The following GRID1 variants were observed in gnomAD, a reference collection of about 807,000 sequenced individuals.
GRID1 encodes the protein glutamate receptor ionotropic, delta-1.
A neutral mutation model predicts 98.0 loss-of-function variants in GRID1; 28 were observed. That is an observed-to-expected ratio of 0.29 (90% CI 0.21 to 0.39). The LOEUF is 0.39. Among genes scored for constraint, GRID1 ranks in the 10% least tolerant of loss-of-function variants. The pLI, the probability that GRID1 is intolerant of heterozygous loss-of-function variation, is 1.00. For synonymous variants in GRID1, 553 were observed against 538.5 expected (o/e 1.03, Z -0.37); for missense variants, 1,111 against 1,340.5 (o/e 0.83, Z 2.67).
intron 4 of GRID1, among the ~76,000 whole-genome samples, chr10:86,129,968 C>T (rs1844809374): frequency 6.6e-6 from 1 of 152,250 alleles, no homozygotes; most frequent in Non-Finnish European, 1.5e-5. Context: ...TGAGCACTCA[C>T]ACTTGGTCTC....
intron 8 of GRID1, among the ~76,000 whole-genome samples, chr10:85,798,540 T>A (rs1842545860): frequency 6.6e-6 from 1 of 152,204 alleles, no homozygotes; most frequent in African/African-American, 2.4e-5. Context: ...TTGTTATGTT[T>A]TTTTTGTAAT....
intron 4 of GRID1, among the ~76,000 whole-genome samples, chr10:86,068,789 C>G (rs562076423): frequency 3.9e-5 from 6 of 152,210 alleles, no homozygotes; most frequent in African/African-American, 1.4e-4. Flanking sequence ...CCAATCAAAA[C>G]AAAACCAACA....
chr10:85,712,992 A>G (rs564771545), intron 12 of GRID1, among the ~76,000 whole-genome samples: 70 of 151,788 alleles, frequency 4.6e-4, no homozygotes, highest in African/African-American at 1.6e-3. Flanking sequence ...TTCTAACTTT[A>G]TATCTCAAGG....
chr10:85,863,340 T>G (rs1843184226), intron 6 of GRID1, among the ~76,000 whole-genome samples: 1 of 152,184 alleles, frequency 6.6e-6, no homozygotes, highest in Admixed American at 6.5e-5. Flanking sequence ...ATCCCATTTA[T>G]GAGGGCTCCC....
chr10:86,352,909 C>A (rs1486513055), intron 2 of GRID1, among the ~76,000 whole-genome samples: 1 of 152,118 alleles, frequency 6.6e-6, no homozygotes, highest in Non-Finnish European at 1.5e-5. Flanking sequence ...ACAGGGGACA[C>A]TGACAATGAA....
intron 12 of GRID1, among the ~76,000 whole-genome samples, chr10:85,682,684 G>A (rs1326771879): frequency 6.6e-6 from 1 of 152,212 alleles, no homozygotes; most frequent in Non-Finnish European, 1.5e-5. Flanking sequence ...CTAGGGTGTG[G>A]AGAGGAGATG....
intron 2 of GRID1, among the ~76,000 whole-genome samples, chr10:86,253,751 G>C (rs1343282168): frequency 6.6e-6 from 1 of 152,160 alleles, no homozygotes; most frequent in African/African-American, 2.4e-5. Context: ...GCCAATGTCC[G>C]TGTTAGCCAG....
At chr10:86,064,975 G>C (rs1422371715) in intron 4 of GRID1, among the ~76,000 whole-genome samples, 5 of 152,194 alleles carry the variant, frequency 3.3e-5, no homozygotes, top group African/African-American at 7.2e-5. Flanking sequence ...TTTCCAGACT[G>C]AGCAGAAAAT....
chr10:85,726,247 T>A (rs80001121), intron 10 of GRID1, among the ~76,000 whole-genome samples: 15 of 151,424 alleles, frequency 9.9e-5, no homozygotes, highest in Non-Finnish European at 2.9e-5. Flanking sequence ...TTTTTTTTTT[T>A]AGTTGGGAAG....
intron 2 of GRID1, among the ~76,000 whole-genome samples, chr10:86,300,401 G>A (rs1374607062): frequency 2.0e-5 from 3 of 149,300 alleles, no homozygotes; most frequent in Non-Finnish European, 4.5e-5. Flanking sequence ...CAGAAGTTTG[G>A]GACTGCCATC....
chr10:86,255,956 C>T (rs1285270417), intron 2 of GRID1, among the ~76,000 whole-genome samples: 4 of 152,174 alleles, frequency 2.6e-5, no homozygotes, highest in Admixed American at 1.3e-4. Context: ...GCACAACAGC[C>T]GGTAACCAGG....
intron 5 of GRID1, among the ~76,000 whole-genome samples, chr10:85,876,790 C>G (rs1302971477): frequency 3.9e-5 from 6 of 152,124 alleles, no homozygotes; most frequent in Non-Finnish European, 5.9e-5. Flanking sequence ...GTGTGCCAGC[C>G]GAAGGAGGGC....
chr10:86,061,055 A>G (rs1267241487), intron 4 of GRID1, among the ~76,000 whole-genome samples: 3 of 152,032 alleles, frequency 2.0e-5, no homozygotes, highest in South Asian at 4.1e-4. Context: ...CTTGGCCCCC[A>G]TGGCACTGGC....
intron 4 of GRID1, among the ~76,000 whole-genome samples, chr10:85,968,538 C>T (rs898567894): frequency 1.7e-4 from 25 of 150,522 alleles, no homozygotes; most frequent in African/African-American, 5.6e-4. Flanking sequence ...TATGCAATTT[C>T]GACAGCAACA....
chr10:85,972,918 CTATAATAGA>C (rs567005018), intron 4 of GRID1, among the ~76,000 whole-genome samples: 21 of 152,280 alleles, frequency 1.4e-4, no homozygotes, highest in African/African-American at 4.8e-4. Flanking sequence ...TTTTAATCAT[CTATAATAGA>C]TATAATAGAT....
intron 4 of GRID1, among the ~76,000 whole-genome samples, chr10:85,921,763 G>A (rs901695568): frequency 3.3e-5 from 5 of 152,170 alleles, no homozygotes; most frequent in South Asian, 2.1e-4. Context: ...GAGGCTGAGC[G>A]CATTGGAGGA....
At chr10:85,889,649 G>A (rs1841166480) in intron 5 of GRID1, among the ~76,000 whole-genome samples, 2 of 152,212 alleles carry the variant, frequency 1.3e-5, no homozygotes, top group African/African-American at 2.4e-5. Flanking sequence ...AAACATGAGA[G>A]TTCAGGTACT....
chr10:86,071,701 G>T (rs1040184799), intron 4 of GRID1, among the ~76,000 whole-genome samples: 1 of 152,230 alleles, frequency 6.6e-6, no homozygotes, highest in African/African-American at 2.4e-5. Flanking sequence ...CATGCTGAGG[G>T]AGGTGGTGGG....
intron 4 of GRID1, among the ~76,000 whole-genome samples, chr10:86,097,636 A>T (rs967632349): frequency 6.6e-6 from 1 of 151,614 alleles, no homozygotes; most frequent in African/African-American, 2.4e-5. Context: ...AAAAATGCCC[A>T]GGATATATAG....
Sources: gnomAD v4.1 joint callset for allele counts (sites outside exome capture counted in the v4.1 genomes callset) on GRCh38, gnomAD v4.1.1 for gene constraint, MANE v1.5 for transcripts, NCBI Gene and HGNC (gene_info 2026-07-23, HGNC 2026-07-21) for gene names.